Variants in CNGB1 observed in about 807,000 individuals in gnomAD.
CNGB1 encodes cyclic nucleotide gated channel subunit beta 1, also known as cyclic nucleotide-gated channel beta-1.
Under a neutral mutation model 151.7 loss-of-function variants are expected in CNGB1, and 126 were observed. That is an observed-to-expected ratio of 0.83 (90% CI 0.72 to 0.96). The LOEUF (loss-of-function observed/expected upper bound fraction) is 0.96. CNGB1 is among the 40% of genes least tolerant of loss of function. The probability of loss-of-function intolerance (pLI) is 0.00; values close to 1 mark genes in which losing one functional copy is unlikely to be tolerated. For missense variants in CNGB1, 1,698 were observed against 1,627.0 expected, an observed-to-expected ratio of 1.04 and a Z score of -0.75; for synonymous variants, 623 against 635.1, an observed-to-expected ratio of 0.98 and a Z score of 0.29.
At chr16:57,949,482 GC>G in intron 13 of CNGB1, 43 bp from the exon 14 acceptor site, 1 of 1,611,766 alleles carries the variant, frequency 6.2e-7, no homozygotes. Flanking sequence ...ACCCGAAGCT[GC>G]CCCGCTGAGT....
At chr16:57,940,470 C>A (rs1201113401) in intron 14 of CNGB1, 149 bp from the exon 15 acceptor site, 1 of 690,630 alleles carries the variant, frequency 1.4e-6, no homozygotes. Flanking sequence ...GCCTCCAGGG[C>A]AGTGTCCTAC....
At chr16:57,917,686 G>A (rs1960915059) in intron 20 of CNGB1, among the ~76,000 whole-genome samples, 1 of 150,992 alleles carries the variant, frequency 6.6e-6, no homozygotes, top group African/African-American at 2.4e-5. Flanking sequence ...TAGGAGCCAG[G>A]CACAGTGGCT....
At position 57,962,792 on chromosome 16, in the gene CNGB1, T is replaced by A. The variant is rs1962291060; in HGVS notation, c.412+50A>T. On this transcript the variant is annotated intron_variant, in intron 6 of 32. Transcript: ENST00000251102. The stretch of plus-strand genomic sequence containing the variant: ...GGGCAGGGCCCATCCCAGCAGCCCC[T>A]CAGCCCCTCAGCCCTGCTGCTGAAA... 6 of 1,608,834 alleles carry A rather than the reference T, an allele frequency of 3.7e-6. No homozygotes were observed. In the East Asian group the frequency reaches 1.3e-4, roughly 36 times the overall value.
At chr16:57,896,226 A>G (rs566231729) in intron 31 of CNGB1, among the ~76,000 whole-genome samples, 43 of 152,338 alleles carry the variant, frequency 2.8e-4, no homozygotes, top group African/African-American at 9.1e-4. Flanking sequence ...AAATAGGTTT[A>G]CAATACAGAA....
chr16:57,901,248 A>G (rs900510826), intron 29 of CNGB1, 104 bp downstream of exon 29: 5 of 1,125,142 alleles, frequency 4.4e-6, no homozygotes, highest in Non-Finnish European at 6.7e-6. Flanking sequence ...CTCCCCAACA[A>G]TCTCGCTCTG....
At chr16:57,935,579 C>T (rs924892472) in intron 16 of CNGB1, among the ~76,000 whole-genome samples, 8 of 151,922 alleles carry the variant, frequency 5.3e-5, no homozygotes, top group South Asian at 2.1e-4. Flanking sequence ...ACTCGGGAGG[C>T]GGATGTTGCA....
At chr16:57,967,818 T>G (rs993463761) in intron 1 of CNGB1, among the ~76,000 whole-genome samples, 1 of 152,110 alleles carries the variant, frequency 6.6e-6, no homozygotes, top group Non-Finnish European at 1.5e-5. Flanking sequence ...TCTCTAGGTA[T>G]TTACCTTATA....
At chr16:57,959,644 C>T (rs1326425258) in intron 10 of CNGB1, among the ~76,000 whole-genome samples, 4 of 152,042 alleles carry the variant, frequency 2.6e-5, no homozygotes, top group African/African-American at 4.8e-5. Flanking sequence ...AAAGTGCAGA[C>T]GAGTATGTAT....
At chr16:57,959,791 G>T in intron 10 of CNGB1, 97 bp downstream of exon 10, 2 of 1,392,158 alleles carry the variant, frequency 1.4e-6, no homozygotes. Context: ...ACATCCAGTT[G>T]AATTTTCTTC....
In CNGB1 at chr16:57,959,881, G is replaced by A. The variant is rs367681352; in HGVS notation, c.761+7C>T. ...TGGTGGGAGGCGCTGCATTGAGGGT[G>A]GCTCACCTGGCAGGGTCCCTGGTTG... On this transcript the variant is annotated splice_region_variant and intron_variant, in intron 10 of 32. Transcript: ENST00000251102. 6.6e-7 allele frequency: 1 copy of A among 1,519,058 alleles called. No individual in the cohort carries two copies. Among genetic ancestry groups the A allele is most frequent in the African/African-American group, 1.4e-5 (1 of 72,564 alleles). 94.1% of individuals were successfully genotyped at this position (1,519,058 alleles called of 1,614,324 possible). A position where few individuals can be genotyped will look rare whatever the true frequency, so the allele number is the denominator to read the frequency against.
intron 31 of CNGB1, among the ~76,000 whole-genome samples, chr16:57,897,071 G>C (rs1192704004): frequency 2.0e-5 from 3 of 152,134 alleles, no homozygotes; most frequent in Admixed American, 6.5e-5. Flanking sequence ...TGGGAGGTCA[G>C]AGCAGATCAT....
intron 2 of CNGB1, among the ~76,000 whole-genome samples, chr16:57,966,850 A>G (rs1209504005): frequency 6.6e-6 from 1 of 152,252 alleles, no homozygotes. Flanking sequence ...TCACACTATA[A>G]TGGCAGAGTT....
chr16:57,919,069 C>T (rs762111221), intron 20 of CNGB1, 30 bp downstream of exon 20: 7 of 1,614,126 alleles, frequency 4.3e-6, no homozygotes, highest in African/African-American at 1.3e-5. Flanking sequence ...TCATCTTACA[C>T]AGTGGGAACA....
Position 57,917,467 on chromosome 16 carries a change from T to A in CNGB1, c.1967A>T (p.Tyr656Phe), listed in dbSNP as rs142412203. 2 of 1,613,900 alleles carry A rather than the reference T, an allele frequency of 1.2e-6. No individual in the cohort carries two copies. The highest frequency in any genetic ancestry group is 2.7e-5 in the African/African-American group (2 of 74,886). The change falls in exon 21 of 33, where the codon TAT becomes TTT. Residue 656 changes from tyrosine to phenylalanine, a missense_variant. Coordinates refer to ENST00000251102, the MANE Select transcript of CNGB1 (RefSeq NM_001297.5). ...CACCACGAAGAACAGCCATAGGACATACATCAGGTCTGTGGGGAAGGTTGA... is the reference window on the plus strand; with the variant it reads ...CACCACGAAGAACAGCCATAGGACAAACATCAGGTCTGTGGGGAAGGTTGA... ...QSIDPLTNLM[Y>F]VLWLFFVVMA...
At chr16:57,925,281 G>A (rs1961153597) in intron 17 of CNGB1, among the ~76,000 whole-genome samples, 1 of 152,086 alleles carries the variant, frequency 6.6e-6, no homozygotes, top group Non-Finnish European at 1.5e-5. Context: ...GGGATAACAG[G>A]CATGAGCCAC....
intron 26 of CNGB1, 68 bp from the exon 27 acceptor site, chr16:57,904,049 T>C (rs999337975): frequency 6.7e-7 from 1 of 1,492,756 alleles, no homozygotes; most frequent in Non-Finnish European, 9.3e-7. Flanking sequence ...ATTCCATGGA[T>C]TTGGGATGTG....
chr16:57,968,831 A>AGC (rs1962462305), intron 1 of CNGB1, among the ~76,000 whole-genome samples: 1 of 149,676 alleles, frequency 6.7e-6, no homozygotes, highest in Non-Finnish European at 1.5e-5. Context: ...GTTCGAGACC[A>AGC]CTGTGGGCAA....
intron 11 of CNGB1, 133 bp downstream of exon 11, chr16:57,958,277 C>T (rs189993764): frequency 2.0e-5 from 10 of 506,376 alleles, no homozygotes; most frequent in African/African-American, 1.4e-4. Context: ...GTGGAATGAA[C>T]GTGGGCCATG....
intron 10 of CNGB1, among the ~76,000 whole-genome samples, 170 bp from the exon 11 acceptor site, chr16:57,958,655 C>T (rs1597011661): frequency 6.6e-6 from 1 of 152,224 alleles, no homozygotes; most frequent in Non-Finnish European, 1.5e-5. Flanking sequence ...CCTCTCCACC[C>T]TCCCTCGGTG....
Sources: gnomAD v4.1 joint callset for allele counts (sites outside exome capture counted in the v4.1 genomes callset) on GRCh38, gnomAD v4.1.1 for gene constraint, MANE v1.5 for transcripts, NCBI Gene and HGNC (gene_info 2026-07-23, HGNC 2026-07-21) for gene names.